The following GMDS variants were observed in gnomAD, a reference collection of about 807,000 sequenced individuals.
The protein encoded by GMDS is GDP-mannose 4,6 dehydratase.
A neutral mutation model predicts 49.9 loss-of-function variants in GMDS; 20 were observed. The observed-to-expected ratio is 0.40, with a 90% CI of 0.28 to 0.58. The LOEUF is 0.58. GMDS is among the 20% of genes least tolerant of loss of function. The probability of loss-of-function intolerance (pLI) is 0.42; values close to 1 mark genes in which losing one functional copy is unlikely to be tolerated. For missense variants in GMDS, 362 were observed against 481.4 expected (o/e 0.75, Z 2.32); for synonymous variants, 177 against 178.6 (o/e 0.99, Z 0.07).
intron 7 of GMDS, among the ~76,000 whole-genome samples, chr6:1,754,296 A>C (rs1767851072): frequency 6.6e-6 from 1 of 152,218 alleles, no homozygotes; most frequent in Admixed American, 6.5e-5. Context: ...AGAAATGGAT[A>C]AATTCCTGGA....
intron 9 of GMDS, among the ~76,000 whole-genome samples, chr6:1,631,500 C>A (rs11968435): frequency 9.2e-5 from 14 of 151,988 alleles, no homozygotes; most frequent in African/African-American, 1.9e-4. Context: ...AATGTCCCCC[C>A]CTCCGCCCCA....
chr6:1,691,348 G>A (rs892695427), intron 9 of GMDS, among the ~76,000 whole-genome samples: 1 of 151,818 alleles, frequency 6.6e-6, no homozygotes, highest in Non-Finnish European at 1.5e-5. Flanking sequence ...ACACACTGGG[G>A]CCTGTTGCGG....
chr6:2,084,963 A>C (rs932404334), intron 4 of GMDS, among the ~76,000 whole-genome samples: 1 of 152,186 alleles, frequency 6.6e-6, no homozygotes, highest in Admixed American at 6.5e-5. Context: ...AACCACAACC[A>C]AATTCAGAAG....
At chr6:1,988,010 A>C (rs752090879) in intron 4 of GMDS, among the ~76,000 whole-genome samples, 2 of 152,276 alleles carry the variant, frequency 1.3e-5, no homozygotes, top group Non-Finnish European at 2.9e-5. Flanking sequence ...TAATAACATA[A>C]GGAAAACAAC....
chr6:2,216,051 G>A (rs1780319830), intron 1 of GMDS, among the ~76,000 whole-genome samples: 1 of 152,098 alleles, frequency 6.6e-6, no homozygotes, highest in Admixed American at 6.5e-5. Flanking sequence ...TAGAGGATGG[G>A]TATGTGGGGG....
chr6:2,196,836 A>G (rs564082850), intron 1 of GMDS, among the ~76,000 whole-genome samples: 50 of 152,328 alleles, frequency 3.3e-4, no homozygotes, highest in Admixed American at 4.6e-4. Flanking sequence ...GATTTTTATC[A>G]AAGCAGAATG....
At chr6:1,817,630 C>A (rs1254390156) in intron 7 of GMDS, among the ~76,000 whole-genome samples, 1 of 152,170 alleles carries the variant, frequency 6.6e-6, no homozygotes, top group Non-Finnish European at 1.5e-5. Context: ...CAAACAAGTT[C>A]TCAGTAGACC....
In GMDS at chr6:1,778,741, G is replaced by C. The variant is rs943704271; in HGVS notation, c.772-36155C>G. On this transcript the variant is annotated intron_variant, in intron 7 of 10. Coordinates refer to ENST00000380815, the MANE Select transcript of GMDS (RefSeq NM_001500.4). This position sits in a 1 kb window ranked among gnomAD's most constrained non-coding sequence, Gnocchi z 4.6. ...GCCAGCCAGGAAAAAGCCTGCTGAC[G>C]TTTGCAGCTCAGACCTCAAAGCTCG... is the stretch of plus-strand genomic sequence containing the variant. Among the ~76,000 whole-genome samples the C allele has an allele frequency of 8.5e-5, 13 of 152,242 alleles. No homozygotes were observed. The highest frequency in any genetic ancestry group is 1.6e-4 in the Non-Finnish European group (11 of 68,010).
chr6:1,684,940 G>A (rs1764920755), intron 9 of GMDS, among the ~76,000 whole-genome samples: 1 of 151,938 alleles, frequency 6.6e-6, no homozygotes, highest in South Asian at 2.1e-4. Context: ...TGCCACTGAA[G>A]CCACAATGAT....
chr6:2,051,487 G>T (rs1013165087), intron 4 of GMDS, among the ~76,000 whole-genome samples: 2 of 151,988 alleles, frequency 1.3e-5, no homozygotes, highest in East Asian at 3.9e-4. Context: ...TATATATTCC[G>T]GGAATAAACT....
chr6:1,863,289 A>C lies in GMDS; in HGVS notation c.771+66814T>G, dbSNP rs78767985. On this transcript the variant is annotated intron_variant, in intron 7 of 10. Coordinates refer to ENST00000380815, the MANE Select transcript of GMDS (RefSeq NM_001500.4). The stretch of plus-strand genomic sequence containing the variant: ...ACCCACCATAGGAAAAATTCTCGCA[A>C]GTAAAAAAGAAAATGTTTTTACGAT... Among the ~76,000 whole-genome samples the C allele has an allele frequency of 6.0e-3, 907 of 152,284 alleles. 9 individuals are homozygous for C. Among genetic ancestry groups the C allele is most frequent in the African/African-American group, 0.021 (853 of 41,568 alleles).
At chr6:1,919,382 T>C (rs1466898736) in intron 7 of GMDS, among the ~76,000 whole-genome samples, 1 of 152,228 alleles carries the variant, frequency 6.6e-6, no homozygotes, top group Non-Finnish European at 1.5e-5. Flanking sequence ...AGTAATTTCA[T>C]CCCTTTCTTT....
intron 4 of GMDS, chr6:2,043,271 CTTAACAGGGCTCCTGCAAATCTTTA>C (rs1231475157): frequency 6.6e-6 from 1 of 152,274 alleles, no homozygotes; most frequent in Non-Finnish European, 1.5e-5. Flanking sequence ...TTTCCTGTCC[CTTAACAGGGCTCCTGCAAATCTTTA>C]CTATTCAAGC....
chr6:1,736,195 G>C (rs963519487), intron 8 of GMDS, among the ~76,000 whole-genome samples: 2 of 152,166 alleles, frequency 1.3e-5, no homozygotes, highest in African/African-American at 2.4e-5. Context: ...TCAAAAGTCT[G>C]TTGCTCCAAC....
intron 7 of GMDS, among the ~76,000 whole-genome samples, chr6:1,841,584 G>C (rs1246890162): frequency 6.6e-6 from 1 of 152,162 alleles, no homozygotes; most frequent in Admixed American, 6.5e-5. Context: ...CAAAGATTAG[G>C]AAAGGGGACG....
intron 4 of GMDS, among the ~76,000 whole-genome samples, chr6:2,002,658 C>A (rs1176630167): frequency 6.6e-6 from 1 of 152,252 alleles, no homozygotes; most frequent in Middle Eastern, 3.4e-3. Context: ...ATAATAATTT[C>A]AAACCACATC....
chr6:1,991,746 C>T (rs2127364153), intron 4 of GMDS, among the ~76,000 whole-genome samples: 1 of 152,298 alleles, frequency 6.6e-6, no homozygotes, highest in South Asian at 2.1e-4. Flanking sequence ...ATGTGTAAGT[C>T]CTAATCCCTG....
chr6:2,196,964 T>C (rs1779298797), intron 1 of GMDS, among the ~76,000 whole-genome samples: 1 of 152,172 alleles, frequency 6.6e-6, no homozygotes, highest in Admixed American at 6.5e-5. Flanking sequence ...AACGGATACT[T>C]GTCAAAAAGC....
At chr6:2,127,195 C>G (rs1326449113) in intron 1 of GMDS, among the ~76,000 whole-genome samples, 1 of 152,020 alleles carries the variant, frequency 6.6e-6, no homozygotes, top group Non-Finnish European at 1.5e-5. Context: ...AATCAATATC[C>G]CTATAAATCA....
Sources: gnomAD v4.1 joint callset for allele counts (sites outside exome capture counted in the v4.1 genomes callset) on GRCh38, gnomAD v4.1.1 for gene constraint, Gnocchi (gnomAD v3.1) non-coding constraint, MANE v1.5 for transcripts, NCBI Gene and HGNC (gene_info 2026-07-23, HGNC 2026-07-21) for gene names.